The following EML6 variants were observed in gnomAD, a reference collection of about 807,000 sequenced individuals.
EML6 encodes echinoderm microtubule-associated protein-like 6.
Under a neutral mutation model 240.1 loss-of-function variants are expected in EML6, and 154 were observed. That is an observed-to-expected ratio of 0.64 (90% confidence interval 0.56 to 0.73). The LOEUF (loss-of-function observed/expected upper bound fraction) is 0.73. Ranked by LOEUF, EML6 falls within the 30% of genes least tolerant of loss-of-function variation. The pLI is 0.00. For missense variants in EML6, 2,964 were observed against 2,474.6 expected (o/e 1.20, Z -4.20); for synonymous variants, 1,148 against 899.0 (o/e 1.28, Z -4.95).
intron 2 of EML6, among the ~76,000 whole-genome samples, chr2:54,806,885 T>C (rs1378402223): frequency 1.3e-5 from 2 of 152,092 alleles, no homozygotes; most frequent in African/African-American, 2.4e-5. Context: ...GAAGGTGATA[T>C]ATGAGAAACT....
At chr2:54,897,783 A>G (rs569431910) in intron 21 of EML6, among the ~76,000 whole-genome samples, 36 of 151,000 alleles carry the variant, frequency 2.4e-4, no homozygotes, top group Middle Eastern at 3.4e-3. Context: ...AGTTCAGTCA[A>G]TGTTTGTTGG....
Position 54,829,323 on chromosome 2 carries a change from T to A in EML6, c.712-19T>A, listed in dbSNP as rs778995751. 1 of 1,550,574 alleles carries A rather than the reference T, an allele frequency of 6.4e-7. No individual in the cohort carries two copies. The highest frequency in any genetic ancestry group is 1.2e-5 in the South Asian group (1 of 83,946). Reference sequence around the variant, plus strand: ...TTAGGATGGTTGCACCATTGAGTATTACCTGTTTTAATCAACAGGCTGGAA... The same window carrying A: ...TTAGGATGGTTGCACCATTGAGTATAACCTGTTTTAATCAACAGGCTGGAA... On this transcript the variant is annotated intron_variant, in intron 6 of 41. Coordinates refer to ENST00000356458, the MANE Select transcript of EML6 (RefSeq NM_001039753.4).
chr2:54,863,288 G>T (rs768744423), intron 12 of EML6, among the ~76,000 whole-genome samples: 43 of 152,142 alleles, frequency 2.8e-4, no homozygotes, highest in Non-Finnish European at 5.3e-4. Flanking sequence ...TAAAACCCAG[G>T]TATCTGCTAT....
rs1025957008 is a variant in EML6 at position 54,913,728 on chromosome 2, T to C, written c.3498+2686T>C. Among the ~76,000 whole-genome samples, 7 of 152,202 alleles carry C rather than the reference T, an allele frequency of 4.6e-5. No individual in the cohort carries two copies. The East Asian group carries it at 1.2e-3, about 25-fold the overall frequency. On this transcript the variant is annotated intron_variant, in intron 25 of 41. Transcript: ENST00000356458. ...TTTGAGGACTTAGTCATAAATTCTT[T>C]CCCAAGGCCAATGTCCAGAATGGTA...
intron 11 of EML6, among the ~76,000 whole-genome samples, chr2:54,857,457 G>A (rs943573233): frequency 6.6e-6 from 1 of 152,230 alleles, no homozygotes; most frequent in East Asian, 1.9e-4. Context: ...GTTAAATGCT[G>A]TCCTACGGGA....
At chr2:54,822,027 A>C (rs1668358316) in intron 5 of EML6, among the ~76,000 whole-genome samples, 1 of 152,158 alleles carries the variant, frequency 6.6e-6, no homozygotes, top group South Asian at 2.1e-4. Flanking sequence ...AAACTAGCAA[A>C]AGTATAAGCA....
At chr2:54,812,600 G>T (rs560650782) in intron 2 of EML6, among the ~76,000 whole-genome samples, 2 of 151,890 alleles carry the variant, frequency 1.3e-5, no homozygotes, top group African/African-American at 4.8e-5. Flanking sequence ...GGTATTTGAC[G>T]AAGTTTCATT....
intron 13 of EML6, among the ~76,000 whole-genome samples, chr2:54,865,518 T>C (rs1357775331): frequency 6.6e-6 from 1 of 152,152 alleles, no homozygotes; most frequent in Non-Finnish European, 1.5e-5. Context: ...TGCCTACGAC[T>C]TAAACAGTTT....
At chr2:54,897,529 G>A (rs1381811109) in intron 21 of EML6, among the ~76,000 whole-genome samples, 2 of 152,174 alleles carry the variant, frequency 1.3e-5, no homozygotes, top group African/African-American at 2.4e-5. Flanking sequence ...TTCCAACCAA[G>A]GTTTGCCAGA....
chr2:54,806,581 C>A (rs1014650237), intron 2 of EML6, among the ~76,000 whole-genome samples: 1 of 123,534 alleles, frequency 8.1e-6, no homozygotes, highest in African/African-American at 3.0e-5. Flanking sequence ...CCCTTGCACT[C>A]CAGCCTGGGC....
intron 2 of EML6, among the ~76,000 whole-genome samples, chr2:54,756,422 TTC>T (rs1192748989): frequency 1.3e-5 from 2 of 152,188 alleles, no homozygotes; most frequent in African/African-American, 4.8e-5. Flanking sequence ...TGGATATTCA[TTC>T]TGTTTCCTTT....
intron 3 of EML6, among the ~76,000 whole-genome samples, chr2:54,814,965 C>A (rs145321960): frequency 6.6e-6 from 1 of 152,274 alleles, no homozygotes; most frequent in East Asian, 1.9e-4. Flanking sequence ...ATATTGACTT[C>A]CTGAATAAAC....
chr2:54,818,108 C>G (rs1443858853), intron 4 of EML6, among the ~76,000 whole-genome samples: 1 of 152,122 alleles, frequency 6.6e-6, no homozygotes, highest in African/African-American at 2.4e-5. Flanking sequence ...ATAGTCTGAC[C>G]TGAACTAGTA....
At chr2:54,789,524 A>G (rs1213458908) in intron 2 of EML6, among the ~76,000 whole-genome samples, 1 of 49,982 alleles carries the variant, frequency 2.0e-5, no homozygotes, top group Non-Finnish European at 4.6e-5. Context: ...AAAAAAAAAA[A>G]AAAAAAAAAA....
intron 13 of EML6, 61 bp from the exon 14 acceptor site, chr2:54,866,705 G>T: frequency 1.2e-6 from 1 of 847,616 alleles, no homozygotes; most frequent in South Asian, 1.8e-5. Flanking sequence ...ATGTCAAGAT[G>T]CTGATATTTT....
intron 28 of EML6, among the ~76,000 whole-genome samples, chr2:54,933,266 G>A (rs969301255): frequency 6.6e-6 from 1 of 152,022 alleles, no homozygotes; most frequent in Non-Finnish European, 1.5e-5. Flanking sequence ...AAAAGTCTTT[G>A]ACTCTTACCT....
At chr2:54,775,531 C>G (rs900627260) in intron 2 of EML6, among the ~76,000 whole-genome samples, 1 of 152,228 alleles carries the variant, frequency 6.6e-6, no homozygotes, top group Non-Finnish European at 1.5e-5. Flanking sequence ...AATTGCACCT[C>G]TTGTCACCCT....
At chr2:54,861,143 A>T (rs919100029) in intron 12 of EML6, among the ~76,000 whole-genome samples, 10 of 152,202 alleles carry the variant, frequency 6.6e-5, no homozygotes, top group African/African-American at 2.2e-4. Flanking sequence ...GGGCAAACAT[A>T]TAATAGCCTT....
chr2:54,835,936 C>G (rs1320028752), intron 7 of EML6, among the ~76,000 whole-genome samples: 3 of 152,194 alleles, frequency 2.0e-5, no homozygotes, highest in Admixed American at 1.3e-4. Flanking sequence ...TGAGAACACC[C>G]TTGTTTACGA....
Sources: gnomAD v4.1 joint callset for allele counts (sites outside exome capture counted in the v4.1 genomes callset) on GRCh38, gnomAD v4.1.1 for gene constraint, MANE v1.5 for transcripts, NCBI Gene and HGNC (gene_info 2026-07-23, HGNC 2026-07-21) for gene names.